The following TRHDE variants were observed in gnomAD, a reference collection of about 807,000 sequenced individuals.
The protein encoded by TRHDE is thyrotropin releasing hormone degrading enzyme.
A neutral mutation model predicts 125.7 loss-of-function variants in TRHDE; 72 were observed. The observed-to-expected ratio is 0.57, with a 90% CI of 0.47 to 0.70. The LOEUF is 0.70. Ranked by LOEUF, TRHDE falls within the 30% of genes least tolerant of loss-of-function variation. The pLI, the probability that TRHDE is intolerant of heterozygous loss-of-function variation, is 0.00. For synonymous variants in TRHDE, 509 were observed against 509.1 expected (o/e 1.00, Z 0.00); for missense variants, 1,110 against 1,327.1 (o/e 0.84, Z 2.54).
intron 15 of TRHDE, among the ~76,000 whole-genome samples, chr12:72,634,029 G>T (rs926684335): frequency 6.6e-5 from 10 of 152,098 alleles, no homozygotes; most frequent in African/African-American, 2.4e-4. Flanking sequence ...GAACTGGGCA[G>T]TGCACATTGT....
chr12:72,535,831 C>T (rs1262170464), intron 6 of TRHDE, among the ~76,000 whole-genome samples: 3 of 152,102 alleles, frequency 2.0e-5, no homozygotes, highest in Admixed American at 2.0e-4. Context: ...AGAATTAGTG[C>T]AGAAACATCA....
chr12:72,645,665 C>T (rs1490858089), intron 15 of TRHDE, among the ~76,000 whole-genome samples: 2 of 152,008 alleles, frequency 1.3e-5, no homozygotes, highest in African/African-American at 4.8e-5. Flanking sequence ...TACATCAAGA[C>T]ACATTATAAT....
At chr12:72,516,586 G>C (rs1350319125) in intron 6 of TRHDE, among the ~76,000 whole-genome samples, 1 of 152,152 alleles carries the variant, frequency 6.6e-6, no homozygotes, top group Non-Finnish European at 1.5e-5. Context: ...CATGTTGTCT[G>C]CAAACAGGGA....
At chr12:72,330,923 T>C (rs1869563655) in intron 2 of TRHDE, among the ~76,000 whole-genome samples, 1 of 152,128 alleles carries the variant, frequency 6.6e-6, no homozygotes, top group South Asian at 2.1e-4. Context: ...AGGATTCTAA[T>C]TCAAGAGGTC....
At chr12:72,217,426 A>G (rs1877915305) in intron 2 of TRHDE, among the ~76,000 whole-genome samples, 1 of 152,202 alleles carries the variant, frequency 6.6e-6, no homozygotes. Context: ...CTTCTTAAAA[A>G]GCCAAAGATC....
intron 15 of TRHDE, among the ~76,000 whole-genome samples, chr12:72,637,225 G>GTCTT (rs199799784): frequency 0.025 from 3,871 of 152,272 alleles, 79 homozygotes; most frequent in Non-Finnish European, 0.04. Context: ...TCCTGGTTTA[G>GTCTT]TCTTGGGAGA....
At chr12:72,230,183 T>A (rs989213773) in intron 2 of TRHDE, among the ~76,000 whole-genome samples, 5 of 152,180 alleles carry the variant, frequency 3.3e-5, no homozygotes, top group Non-Finnish European at 7.3e-5. Flanking sequence ...AATTGTATTT[T>A]CTGAAGAAAT....
intron 6 of TRHDE, among the ~76,000 whole-genome samples, chr12:72,520,893 T>C (rs1879163736): frequency 6.6e-6 from 1 of 152,224 alleles, no homozygotes; most frequent in Non-Finnish European, 1.5e-5. Flanking sequence ...AAATTATACT[T>C]TTTTCACATT....
chr12:72,592,856 A>G (rs919741209), intron 12 of TRHDE, among the ~76,000 whole-genome samples: 68 of 151,148 alleles, frequency 4.5e-4, no homozygotes, highest in Non-Finnish European at 8.6e-4. Context: ...GATTACAGAC[A>G]CCTGCCACTA....
chr12:72,323,917 G>T (rs1410696931), intron 2 of TRHDE, among the ~76,000 whole-genome samples: 1 of 152,016 alleles, frequency 6.6e-6, no homozygotes, highest in Non-Finnish European at 1.5e-5. Flanking sequence ...GACACAGAAT[G>T]ACCATCTCAG....
In TRHDE at chr12:72,663,989, A is replaced by G. The variant is rs1875019873; in HGVS notation, c.*794A>G. On this transcript the variant is annotated 3_prime_UTR_variant, in exon 19 of 19. Coordinates refer to ENST00000261180, the MANE Select transcript of TRHDE (RefSeq NM_013381.3). Reference sequence around the variant, plus strand: ...TTTTTATAAACTTAAGGACAGTTGCAAAAGGCTTCAAGGAATTTATCTCAA... The same window carrying G: ...TTTTTATAAACTTAAGGACAGTTGCGAAAGGCTTCAAGGAATTTATCTCAA... 2 of 152,134 alleles carry G rather than the reference A, an allele frequency of 1.3e-5. No individual in the cohort carries two copies. Among genetic ancestry groups the G allele is most frequent in the African/African-American group, 4.8e-5 (2 of 41,458 alleles). 9.4% of individuals were successfully genotyped at this position (152,134 alleles called of 1,614,324 possible). A position where few individuals can be genotyped will look rare whatever the true frequency, so the allele number is the denominator to read the frequency against.
intron 3 of TRHDE, among the ~76,000 whole-genome samples, chr12:72,421,318 G>A (rs1465397240): frequency 6.6e-6 from 1 of 152,156 alleles, no homozygotes. Context: ...TTATAATTTG[G>A]AGGGTTCTTA....
At chr12:72,484,019 A>G (rs1877294714) in intron 5 of TRHDE, among the ~76,000 whole-genome samples, 1 of 152,094 alleles carries the variant, frequency 6.6e-6, no homozygotes, top group African/African-American at 2.4e-5. Context: ...CTGGGAGTCG[A>G]TTAGCTCATC....
chr12:72,602,202 AC>A (rs990708502), intron 12 of TRHDE, among the ~76,000 whole-genome samples: 1 of 152,072 alleles, frequency 6.6e-6, no homozygotes, highest in African/African-American at 2.4e-5. Context: ...TCTAATAACA[AC>A]CCCAGCAAGG....
chr12:72,214,784 T>C (rs1001033473), intron 2 of TRHDE, among the ~76,000 whole-genome samples: 11 of 152,194 alleles, frequency 7.2e-5, no homozygotes, highest in African/African-American at 2.7e-4. Flanking sequence ...CATATTTAAT[T>C]ATACTTTTTC....
rs547263963 is a variant in TRHDE, at chr12:72,423,203, G to A, written c.1315+45082G>A. Reference sequence around the variant, plus strand: ...TTTAAGATTTTTCAACCTTATGATGGTACAGAAGTGGAACACATTTAATAA... The same window carrying A: ...TTTAAGATTTTTCAACCTTATGATGATACAGAAGTGGAACACATTTAATAA... On this transcript the variant is annotated intron_variant, in intron 3 of 18. Coordinates refer to ENST00000261180, the MANE Select transcript of TRHDE (RefSeq NM_013381.3). Among the ~76,000 whole-genome samples, 4 of 152,216 alleles carry A rather than the reference G, an allele frequency of 2.6e-5. No homozygotes were observed. In the South Asian group the frequency reaches 8.3e-4, roughly 32 times the overall value.
chr12:72,636,900 T>G (rs1380127533), intron 15 of TRHDE, among the ~76,000 whole-genome samples: 117 of 151,878 alleles, frequency 7.7e-4, no homozygotes, highest in African/African-American at 2.4e-3. Flanking sequence ...GCTGGATTCG[T>G]TTTGCCAGTA....
At chr12:72,211,335 G>A (rs542001646) in intron 2 of TRHDE, among the ~76,000 whole-genome samples, 1 of 152,212 alleles carries the variant, frequency 6.6e-6, no homozygotes, top group African/African-American at 2.4e-5. Flanking sequence ...TGTAACAGAT[G>A]GAAAAATATA....
At chr12:72,473,833 T>C (rs1876762642) in intron 5 of TRHDE, among the ~76,000 whole-genome samples, 1 of 152,130 alleles carries the variant, frequency 6.6e-6, no homozygotes, top group South Asian at 2.1e-4. Flanking sequence ...CTGATCAATA[T>C]GTGACAGTGT....
Sources: allele counts gnomAD v4.1 joint callset (sites outside exome capture counted in the v4.1 genomes callset), GRCh38; gene constraint gnomAD v4.1.1; transcripts MANE v1.5; gene names NCBI Gene and HGNC (gene_info 2026-07-23, HGNC 2026-07-21).